Variants in KCNA6 observed in about 807,000 individuals in gnomAD.
The protein encoded by KCNA6 is human brain potassium channel-2.
In KCNA6, 17 loss-of-function variants were observed where a neutral mutation model predicts 29.5. The ratio of observed to expected loss-of-function variants is 0.58; its 90% CI spans 0.39 to 0.86. The LOEUF (loss-of-function observed/expected upper bound fraction) is 0.86, where lower values mean the gene tolerates loss of function less well. Ranked by LOEUF, KCNA6 falls within the 40% of genes least tolerant of loss-of-function variation. KCNA6 has a pLI of 0.00. For missense variants in KCNA6, 450 were observed against 703.4 expected (o/e 0.64, Z 4.07); for synonymous variants, 296 against 304.7 (o/e 0.97, Z 0.30).
chr12:4,827,191 T>A, the KCNA6 span, among the ~76,000 whole-genome samples: 1 of 81,474 alleles, frequency 1.2e-5, no homozygotes, highest in African/African-American at 5.9e-5. Flanking sequence ...CTTCCCTCCT[T>A]CCTTCCTTCC....
At chr12:4,838,503 C>G in the KCNA6 span, among the ~76,000 whole-genome samples, 2 of 152,132 alleles carry the variant, frequency 1.3e-5, no homozygotes, top group African/African-American at 4.8e-5. Flanking sequence ...TCAAGTGTAG[C>G]CTACATGAAA....
At chr12:4,833,797 G>A in the KCNA6 span, among the ~76,000 whole-genome samples, 13 of 152,270 alleles carry the variant, frequency 8.5e-5, no homozygotes, top group African/African-American at 2.9e-4. Context: ...TGTGGTTAGG[G>A]CGGGGCTGTC....
the KCNA6 span, among the ~76,000 whole-genome samples, chr12:4,849,056 G>A: frequency 2.0e-5 from 3 of 152,056 alleles, no homozygotes; most frequent in African/African-American, 7.2e-5. Flanking sequence ...GGGAGTCGGA[G>A]GTTGCAGTGA....
chr12:4,816,916 G>T (rs938122933), downstream of KCNA6, among the ~76,000 whole-genome samples: 1 of 152,008 alleles, frequency 6.6e-6, no homozygotes, highest in Admixed American at 6.6e-5. Flanking sequence ...CCTCTCCTTG[G>T]TGCTTTCCTC....
chr12:4,816,364 T>C (rs1409676724), downstream of KCNA6, among the ~76,000 whole-genome samples: 1 of 152,078 alleles, frequency 6.6e-6, no homozygotes, highest in Non-Finnish European at 1.5e-5. Context: ...TTTTCTTTTT[T>C]TCCTCTAAAG....
the KCNA6 span, among the ~76,000 whole-genome samples, chr12:4,846,484 A>AT: frequency 1.3e-5 from 2 of 149,850 alleles, no homozygotes; most frequent in Admixed American, 6.6e-5. Context: ...GAGCGACATA[A>AT]TGTCCAGTGT....
the KCNA6 span, among the ~76,000 whole-genome samples, chr12:4,820,591 A>ACACT: frequency 5.5e-5 from 8 of 144,500 alleles, no homozygotes; most frequent in African/African-American, 2.0e-4. Flanking sequence ...ACACACACAC[A>ACACT]CTCTTAAAAA....
downstream of KCNA6, among the ~76,000 whole-genome samples, chr12:4,817,697 C>G (rs1246832073): frequency 1.3e-5 from 2 of 152,196 alleles, no homozygotes; most frequent in African/African-American, 2.4e-5. Flanking sequence ...CTGGTCTAAC[C>G]TTGGCTATCA....
chr12:4,809,901 G>C (rs1019163634), exon 1 of KCNA6: 4 of 979,962 alleles, frequency 4.1e-6, no homozygotes, highest in Non-Finnish European at 5.8e-6. Flanking sequence ...GGACCCAACG[G>C]CCAGGTCAGA....
At chr12:4,828,826 G>T in the KCNA6 span, among the ~76,000 whole-genome samples, 1 of 152,304 alleles carries the variant, frequency 6.6e-6, no homozygotes, top group East Asian at 1.9e-4. Flanking sequence ...GGATGAAAGA[G>T]CTAAAATGAA....
the KCNA6 span, among the ~76,000 whole-genome samples, chr12:4,827,042 C>T: frequency 6.6e-6 from 1 of 151,038 alleles, no homozygotes; most frequent in African/African-American, 2.4e-5. Context: ...TCCCTCCTCC[C>T]TCTCTTTGCT....
chr12:4,835,134 A>ATTTTTTTT, the KCNA6 span, among the ~76,000 whole-genome samples: 14 of 136,314 alleles, frequency 1.0e-4, no homozygotes, highest in African/African-American at 3.6e-4. Context: ...ACAGAGAATG[A>ATTTTTTTT]TTTTTTTTTT....
chr12:4,850,459 A>T, the KCNA6 span, among the ~76,000 whole-genome samples: 86,404 of 151,828 alleles, frequency 0.57, 24,950 homozygotes, highest in Admixed American at 0.64. This position sits in a 1 kb window ranked among gnomAD's most constrained non-coding sequence, Gnocchi z 5.4. Context: ...TGGAGTATTA[A>T]TGACAGCAGT....
the KCNA6 span, among the ~76,000 whole-genome samples, chr12:4,845,269 G>A: frequency 6.6e-6 from 1 of 152,266 alleles, no homozygotes; most frequent in South Asian, 2.1e-4. Context: ...GCCTAAAAAT[G>A]CCTTTATGCA....
exon 1 of KCNA6, chr12:4,809,704 C>T (rs1166748557): frequency 4.0e-6 from 1 of 248,112 alleles, no homozygotes; most frequent in Non-Finnish European, 7.6e-6. Flanking sequence ...GGGTCTCAGG[C>T]ACCGCTGGGG....
chr12:4,846,765 C>CTTTT, the KCNA6 span, among the ~76,000 whole-genome samples: 1 of 100,592 alleles, frequency 9.9e-6, no homozygotes, highest in Non-Finnish European at 1.9e-5. Flanking sequence ...TGGAACACCT[C>CTTTT]TTTTTTTTTT....
At chr12:4,823,431 A>C in the KCNA6 span, among the ~76,000 whole-genome samples, 1 of 140,468 alleles carries the variant, frequency 7.1e-6, no homozygotes, top group Non-Finnish European at 1.5e-5. Context: ...TTTTTTTTTC[A>C]TTTTAGGAAC....
At chr12:4,818,861 CACATAT>C in the KCNA6 span, among the ~76,000 whole-genome samples, 2 of 151,258 alleles carry the variant, frequency 1.3e-5, no homozygotes, top group African/African-American at 2.4e-5. Flanking sequence ...CACACACACA[CACATAT>C]GCATATACAC....
chr12:4,850,327 G>A, the KCNA6 span, among the ~76,000 whole-genome samples: 9 of 152,172 alleles, frequency 5.9e-5, no homozygotes, highest in African/African-American at 1.9e-4. This position sits in a 1 kb window ranked among gnomAD's most constrained non-coding sequence, Gnocchi z 5.4. Context: ...TGTGGATGGT[G>A]GGAGGTGTCA....
Sources: gnomAD v4.1 joint callset for allele counts (sites outside exome capture counted in the v4.1 genomes callset) on GRCh38, gnomAD v4.1.1 for gene constraint, Gnocchi (gnomAD v3.1) non-coding constraint, MANE v1.5 for transcripts, NCBI Gene and HGNC (gene_info 2026-07-23, HGNC 2026-07-21) for gene names.